ZNF124: variants seen among roughly 807,000 people sequenced by gnomAD.
ZNF124 encodes zinc finger protein 124.
A neutral mutation model predicts 26.6 loss-of-function variants in ZNF124; 25 were observed. The observed-to-expected ratio is 0.94, with a 90% confidence interval of 0.68 to 1.31. The LOEUF (loss-of-function observed/expected upper bound fraction) is 1.31. Ranked by LOEUF, ZNF124 falls within the 40% of genes most tolerant of loss-of-function variation. The pLI is 0.00. For synonymous variants in ZNF124, 129 were observed against 133.3 expected (o/e 0.97, Z 0.22); for missense variants, 444 against 422.2 (o/e 1.05, Z -0.45).
intron 3 of ZNF124, chr1:247,149,792 C>T (rs1672879227): frequency 6.6e-6 from 1 of 152,216 alleles, no homozygotes; most frequent in African/African-American, 2.4e-5. Context: ...GTCTCAGTCC[C>T]TTCCTGCTGC....
At chr1:247,151,952 C>G (rs2103113844), downstream of ZNF124, among the ~76,000 whole-genome samples, 1 of 152,072 alleles carries the variant, frequency 6.6e-6, no homozygotes, top group South Asian at 2.1e-4. Flanking sequence ...GTGACCTATG[C>G]TGTTAGAGAT....
In ZNF124 at chr1:247,157,105, TGTGA is replaced by T; in HGVS notation, c.513_516del (p.His172LeufsTer81). On this transcript the variant is annotated frameshift_variant, in exon 4 of 4. Coordinates refer to ENST00000543802, the MANE Select transcript of ZNF124 (RefSeq NM_001297568.2). LOFTEE classifies it high-confidence loss of function. ...TTACATTCATAGCGTTTTTCTCCAG[TGTGA>T]ATCCTTTTATGTCTATTAAGAGAAC... 1 of 1,614,188 alleles carries T rather than the reference TGTGA, an allele frequency of 6.2e-7. No individual in the cohort carries two copies. The highest frequency in any genetic ancestry group is 8.5e-7 in the Non-Finnish European group (1 of 1,180,036).
rs71566695 is a variant in ZNF124 at position 247,125,430 on chromosome 1, C to CTTTTTTTTTTTTTTTTTTT, written c.219-1578_219-1560dup. Among the ~76,000 whole-genome samples the CTTTTTTTTTTTTTTTTTTT allele has an allele frequency of 1.2e-3, 50 of 43,296 alleles. 12 individuals are homozygous for CTTTTTTTTTTTTTTTTTTT. The highest frequency in any genetic ancestry group is 1.8e-3 in the Non-Finnish European group (42 of 23,388). The allele number at this position is 43,296 out of a possible 152,430, so 28.4% of individuals were successfully genotyped here. A position where few individuals can be genotyped will look rare whatever the true frequency, so the allele number is the denominator to read the frequency against. On this transcript the variant is annotated intron_variant, in intron 3 of 3. Coordinates refer to the ZNF124 transcript ENST00000472531. Reference sequence around the variant, plus strand: ...TATCTTCACCGACACCTGTTTTTGTCTTTTTTTTTTTTTTTTTTTTTTTTT... The same window carrying CTTTTTTTTTTTTTTTTTTT: ...TATCTTCACCGACACCTGTTTTTGTCTTTTTTTTTTTTTTTTTTTTTTTTTTTTTTTTTTTTTTTTTTTT...
At chr1:247,167,247 T>C (rs2103136701) in intron 1 of ZNF124, among the ~76,000 whole-genome samples, 1 of 152,342 alleles carries the variant, frequency 6.6e-6, no homozygotes, top group South Asian at 2.1e-4. Flanking sequence ...CCTCTGCTTT[T>C]ATCACTCCCA....
intron 3 of ZNF124, among the ~76,000 whole-genome samples, chr1:247,134,468 A>G (rs753840992): frequency 9.9e-5 from 15 of 152,258 alleles, no homozygotes; most frequent in Non-Finnish European, 2.2e-4. Context: ...AGTCTCTGAC[A>G]AAACAGACTT....
intron 3 of ZNF124, among the ~76,000 whole-genome samples, chr1:247,131,695 C>G (rs1338416525): frequency 6.6e-6 from 1 of 152,194 alleles, no homozygotes; most frequent in East Asian, 1.9e-4. Flanking sequence ...CTCTTCAGGC[C>G]TAATCCCTTC....
intron 3 of ZNF124, among the ~76,000 whole-genome samples, chr1:247,133,944 C>T (rs536926784): frequency 2.6e-5 from 4 of 152,176 alleles, no homozygotes; most frequent in South Asian, 2.1e-4. Flanking sequence ...TGAGCCACGG[C>T]GCCCAGCCTC....
intron 3 of ZNF124, among the ~76,000 whole-genome samples, chr1:247,137,380 G>A (rs910718206): frequency 6.9e-6 from 1 of 144,828 alleles, no homozygotes; most frequent in Non-Finnish European, 1.5e-5. Flanking sequence ...GCAGTGGCTC[G>A]TGCCTGTAAT....
At chr1:247,160,852 C>T (rs1386076360) in intron 1 of ZNF124, among the ~76,000 whole-genome samples, 1 of 151,356 alleles carries the variant, frequency 6.6e-6, no homozygotes, top group African/African-American at 2.4e-5. Context: ...AAGTGCTTCA[C>T]TCAAGCCCAA....
chr1:247,143,184 A>T (rs927610249), intron 3 of ZNF124, among the ~76,000 whole-genome samples: 2 of 152,208 alleles, frequency 1.3e-5, no homozygotes, highest in African/African-American at 4.8e-5. Context: ...ATTCAATAAT[A>T]TACCACAAAT....
chr1:247,144,542 C>T (rs923968833), intron 3 of ZNF124, among the ~76,000 whole-genome samples: 1 of 151,320 alleles, frequency 6.6e-6, no homozygotes, highest in Non-Finnish European at 1.5e-5. Flanking sequence ...CTGAGGGCTG[C>T]GTAGCTTTAT....
At chr1:247,154,552 A>G (rs1245130743), downstream of ZNF124, among the ~76,000 whole-genome samples, 1 of 152,222 alleles carries the variant, frequency 6.6e-6, no homozygotes, top group Non-Finnish European at 1.5e-5. Context: ...ATAGCACTAT[A>G]AACTATGCTA....
chr1:247,168,234 A>G lies in ZNF124; in HGVS notation c.30+3614T>C, dbSNP rs1281654119. Among the ~76,000 whole-genome samples, 1 of 152,224 alleles carries G rather than the reference A, an allele frequency of 6.6e-6. No homozygotes were observed. The highest frequency in any genetic ancestry group is 2.4e-5 in the African/African-American group (1 of 41,458). Reference sequence around the variant, plus strand: ...TACCCAAAGGAAAAGAAGTCATTATATGAAAAAAACACGGCTGGGCGTGGT... The same window carrying G: ...TACCCAAAGGAAAAGAAGTCATTATGTGAAAAAAACACGGCTGGGCGTGGT... On this transcript the variant is annotated intron_variant, in intron 1 of 3. Transcript: ENST00000543802. The surrounding 1 kb of genome is among the most constrained non-coding windows in gnomAD (Gnocchi z 4.0).
chr1:247,141,878 T>C (rs10518522), intron 3 of ZNF124, among the ~76,000 whole-genome samples: 7,772 of 152,282 alleles, frequency 0.051, 244 homozygotes, highest in African/African-American at 0.079. Context: ...TATCAAGACC[T>C]AGTTCAGACA....
intron 3 of ZNF124, among the ~76,000 whole-genome samples, chr1:247,137,136 A>G (rs1021059810): frequency 6.6e-6 from 1 of 152,016 alleles, no homozygotes; most frequent in Non-Finnish European, 1.5e-5. Flanking sequence ...CAGAGACCTC[A>G]GAAATACCAC....
intron 3 of ZNF124, among the ~76,000 whole-genome samples, chr1:247,136,055 C>G (rs12083891): frequency 0.014 from 2,135 of 152,174 alleles, 60 homozygotes; most frequent in African/African-American, 0.05. Context: ...TTTATGACAA[C>G]CCCACAGCCA....
chr1:247,155,482 G>A lies in ZNF124; in HGVS notation c.*1084C>T, dbSNP rs932804448. ...CCATATAACCAACACACTTTAAAAT[G>A]GGTAGAAAAAGGAAATTTATTTACC... On this transcript the variant is annotated 3_prime_UTR_variant, in exon 4 of 4. Transcript: ENST00000543802. 1.3e-5 allele frequency among the ~76,000 whole-genome samples: 2 copies of A among 151,988 alleles called. No homozygotes were observed. Among genetic ancestry groups the A allele is most frequent in the African/African-American group, 4.8e-5 (2 of 41,378 alleles).
chr1:247,162,743 C>T (rs539526782), intron 1 of ZNF124, among the ~76,000 whole-genome samples: 4 of 151,932 alleles, frequency 2.6e-5, no homozygotes, highest in Admixed American at 6.6e-5. Flanking sequence ...GCAGACCTAA[C>T]TATCCTAAAT....
At chr1:247,123,959 G>C in intron 3 of ZNF124, 1 of 699,230 alleles carries the variant, frequency 1.4e-6, no homozygotes, top group Non-Finnish European at 2.6e-6. Flanking sequence ...TGTGCTTTTA[G>C]CTGGGACTAC....
Sources: allele counts gnomAD v4.1 joint callset (sites outside exome capture counted in the v4.1 genomes callset), GRCh38; gene constraint gnomAD v4.1.1; non-coding constraint Gnocchi (gnomAD v3.1); transcripts MANE v1.5; gene names NCBI Gene and HGNC (gene_info 2026-07-23, HGNC 2026-07-21).